The following IL6ST variants were observed in gnomAD, a reference collection of about 807,000 sequenced individuals.
IL6ST encodes interleukin 6 cytokine family signal transducer, also known as interleukin-6 receptor subunit beta.
IL6ST carries 24 observed loss-of-function variants against 91.3 expected under a neutral mutation model. The observed-to-expected ratio is 0.26, with a 90% CI of 0.19 to 0.37. IL6ST has a LOEUF of 0.37. Among genes scored for constraint, IL6ST ranks in the 10% least tolerant of loss-of-function variants. IL6ST has a pLI of 1.00. For synonymous variants in IL6ST, 351 were observed against 373.6 expected (o/e 0.94, Z 0.70); for missense variants, 914 against 1,078.5 (o/e 0.85, Z 2.14).
chr5:55,943,484 T>C (rs977456120), intron 15 of IL6ST, among the ~76,000 whole-genome samples: 4 of 152,180 alleles, frequency 2.6e-5, no homozygotes, highest in African/African-American at 9.7e-5. Context: ...TTATCCTGAT[T>C]TTAAAACCAG....
intron 1 of IL6ST, among the ~76,000 whole-genome samples, chr5:55,983,076 T>G (rs1332994458): frequency 3.3e-5 from 5 of 151,442 alleles, no homozygotes; most frequent in Admixed American, 6.6e-5. Context: ...TACAGCTCAC[T>G]GCAGCTTGAA....
Position 55,940,122 on chromosome 5 carries a change from G to GATATGTGTGGGT in IL6ST, c.*959_*960insACCCACACATAT, listed in dbSNP as rs1554022455. Reference sequence around the variant, plus strand: ...CTCTGAAGTCTTAAGAAAAGTCAATGATATGTGTGTGTATATATATATATA... The same window carrying GATATGTGTGGGT: ...CTCTGAAGTCTTAAGAAAAGTCAATGATATGTGTGGGTATATGTGTGTGTATATATATATATA... On this transcript the variant is annotated 3_prime_UTR_variant, in exon 17 of 17. Coordinates refer to ENST00000381298, the MANE Select transcript of IL6ST (RefSeq NM_002184.4). 29 of 176,684 alleles carry GATATGTGTGGGT rather than the reference G, an allele frequency of 1.6e-4. 1 individual carries two copies. Among genetic ancestry groups the GATATGTGTGGGT allele is most frequent in the East Asian group, 1.1e-3 (12 of 11,230 alleles). The allele number at this position is 176,684 out of a possible 1,614,324, so 10.9% of individuals were successfully genotyped here. A position where few individuals can be genotyped will look rare whatever the true frequency, so the allele number is the denominator to read the frequency against.
In IL6ST at chr5:55,952,317, T is replaced by C. The variant is rs777084900; in HGVS notation, c.1485A>G (p.Thr495=). Residue 495 remains threonine, a synonymous_variant, in exon 12 of 17, where the codon ACA becomes ACG. Transcript: ENST00000381298. ...GTCCATCAGCATATACTGGAGTAACTGTTATCAAATAGCATTTGCTCTCTG... is the reference window on the plus strand; with the variant it reads ...GTCCATCAGCATATACTGGAGTAACCGTTATCAAATAGCATTTGCTCTCTG... ...NLAESKCYLI[T]VTPVYADGPG... The C allele has an allele frequency of 2.9e-5, 46 of 1,603,820 alleles. No individual in the cohort carries two copies. Among genetic ancestry groups the C allele is most frequent in the Non-Finnish European group, 3.8e-5 (45 of 1,172,486 alleles).
At position 55,951,621 on chromosome 5, in the gene IL6ST, C is replaced by T; in HGVS notation, c.1700-17G>A. The T allele has an allele frequency of 6.2e-6, 10 of 1,605,722 alleles. No individual in the cohort carries two copies. Among genetic ancestry groups the T allele is most frequent in the Non-Finnish European group, 8.5e-6 (10 of 1,177,104 alleles). On this transcript the variant is annotated splice_polypyrimidine_tract_variant and intron_variant, in intron 13 of 16. Coordinates refer to ENST00000381298, the MANE Select transcript of IL6ST (RefSeq NM_002184.4). ...CATTCACAGCTGGAAGAAATAAGAA[C>T]TGTGCTTCATTCAACTATTCAATGC...
rs10062639 is a variant in IL6ST, at chr5:55,968,563, A to G, written c.371-167T>C. ...TGATGACAATTTCTTTTCTATCCCAACTCTTACACTTCTTTTCAGGAAGTA... is the reference window on the plus strand; with the variant it reads ...TGATGACAATTTCTTTTCTATCCCAGCTCTTACACTTCTTTTCAGGAAGTA... On this transcript the variant is annotated intron_variant, in intron 4 of 16. Transcript: ENST00000381298. Among the ~76,000 whole-genome samples the G allele has an allele frequency of 2.4e-3, 371 of 152,184 alleles. 4 individuals carry two copies. Among genetic ancestry groups the G allele is most frequent in the African/African-American group, 8.6e-3 (358 of 41,500 alleles).
intron 5 of IL6ST, among the ~76,000 whole-genome samples, chr5:55,967,825 CT>C (rs1467180074): frequency 6.6e-6 from 1 of 151,996 alleles, no homozygotes; most frequent in Non-Finnish European, 1.5e-5. Context: ...GAGATGGAGT[CT>C]CACTCTGTTA....
At chr5:55,956,531 G>C (rs536624138) in intron 9 of IL6ST, among the ~76,000 whole-genome samples, 5 of 152,160 alleles carry the variant, frequency 3.3e-5, no homozygotes, top group Non-Finnish European at 7.4e-5. Context: ...TTATGCTTGA[G>C]TATTTTTCTA....
chr5:55,955,607 G>GT (rs1751905186), intron 10 of IL6ST, among the ~76,000 whole-genome samples: 1 of 152,176 alleles, frequency 6.6e-6, no homozygotes, highest in Admixed American at 6.5e-5. Context: ...TAAAAACCAG[G>GT]TAAGTAATCA....
At chr5:55,963,893 C>A (rs1752482481) in intron 6 of IL6ST, among the ~76,000 whole-genome samples, 1 of 152,040 alleles carries the variant, frequency 6.6e-6, no homozygotes, top group Non-Finnish European at 1.5e-5. Flanking sequence ...GGATATTTTT[C>A]TTTTTCCAAA....
chr5:55,991,904 C>T (rs1192263158), intron 1 of IL6ST, among the ~76,000 whole-genome samples: 1 of 152,122 alleles, frequency 6.6e-6, no homozygotes, highest in Non-Finnish European at 1.5e-5. Context: ...AATACTTAAG[C>T]TCCTCATTTT....
Position 55,968,357 on chromosome 5 carries a change from T to A in IL6ST, c.410A>T (p.Asn137Ile). 6.2e-7 allele frequency: 1 copy of A among 1,611,260 alleles called. No homozygotes were observed. Among genetic ancestry groups the A allele is most frequent in the Non-Finnish European group, 8.5e-7 (1 of 1,179,058 alleles). Reference protein sequence around the residue: ...EKPKNLSCIVNEGKKMRCEWD... With the variant: ...EKPKNLSCIVIEGKKMRCEWD... The stretch of plus-strand genomic sequence containing the variant: ...CTCACACCTCATTTTCTTCCCCTCG[T>A]TCACAATGCAACTCAAATTTTTAGG... Residue 137 changes from asparagine (N) to isoleucine (I), a missense_variant, in exon 5 of 17, where the codon AAC (asparagine) becomes ATC (isoleucine). Asn to Ile is a moderately radical substitution (Grantham distance 149, BLOSUM62 -3). Transcript: ENST00000381298.
chr5:55,992,664 C>T (rs1418834145), intron 1 of IL6ST, among the ~76,000 whole-genome samples: 1 of 152,166 alleles, frequency 6.6e-6, no homozygotes, highest in Non-Finnish European at 1.5e-5. Flanking sequence ...ATTCTCCATT[C>T]TACATTTTGT....
rs1168740311 is a variant in IL6ST at position 55,940,961 on chromosome 5, C to G, written c.*121G>C. On this transcript the variant is annotated 3_prime_UTR_variant, in exon 17 of 17. Transcript: ENST00000381298. ...TGTGAAACTTCAGTTCATTTTTGTC[C>G]TTAAGGGCAAATGATCATCTTCAGA... 23 of 1,001,376 alleles carry G rather than the reference C, an allele frequency of 2.3e-5. No individual in the cohort carries two copies. The highest frequency in any genetic ancestry group is 3.1e-5 in the Non-Finnish European group (21 of 679,854). The allele number at this position is 1,001,376 out of a possible 1,614,324, so 62.0% of individuals were successfully genotyped here.
At position 55,969,538 on chromosome 5, in the gene IL6ST, A is replaced by G; in HGVS notation, c.370+12T>C. 3 of 1,590,402 alleles carry G rather than the reference A, an allele frequency of 1.9e-6. No homozygotes were observed. Among genetic ancestry groups the G allele is most frequent in the Non-Finnish European group, 2.6e-6 (3 of 1,163,436 alleles). On this transcript the variant is annotated intron_variant, in intron 4 of 16. Coordinates refer to ENST00000381298, the MANE Select transcript of IL6ST (RefSeq NM_002184.4). ...ATGACAAAGTCTGAAATAAGACAAAAACAAAACTTACAGCCTGAAATTATT... is the reference window on the plus strand; with the variant it reads ...ATGACAAAGTCTGAAATAAGACAAAGACAAAACTTACAGCCTGAAATTATT...
chr5:55,947,613 A>T (rs774643236), intron 14 of IL6ST, 24 bp from the exon 15 acceptor site: 2 of 1,347,826 alleles, frequency 1.5e-6, no homozygotes, highest in South Asian at 2.6e-5. Context: ...AAAAAAAAAA[A>T]AAAAGAGGTG....
At position 55,940,365 on chromosome 5, in the gene IL6ST, G is replaced by A. The variant is rs891920052; in HGVS notation, c.*717C>T. The A allele has an allele frequency of 2.9e-5, 6 of 208,858 alleles. No homozygotes were observed. The highest frequency in any genetic ancestry group is 5.8e-5 in the Non-Finnish European group (6 of 102,638). 12.9% of individuals were successfully genotyped at this position (208,858 alleles called of 1,614,324 possible). A position where few individuals can be genotyped will look rare whatever the true frequency, so the allele number is the denominator to read the frequency against. On this transcript the variant is annotated 3_prime_UTR_variant, in exon 17 of 17. Transcript: ENST00000381298. ...AGTTTGTGAAATGCATCTTCAAAGA[G>A]GTTGTCAATAATATGCAAATTTTTG...
chr5:55,974,956 T>TACACACACACACAC lies in IL6ST; in HGVS notation c.64+1245_64+1258dup, dbSNP rs3039924. Among the ~76,000 whole-genome samples the TACACACACACACAC allele has an allele frequency of 3.2e-4, 37 of 114,618 alleles. No homozygotes were observed. The East Asian group carries it at 7.8e-3, about 24-fold the overall frequency. 75.2% of individuals were successfully genotyped at this position (114,618 alleles called of 152,430 possible). Reference sequence around the variant, plus strand: ...ATTCATACACACACACACACACACATACACACACACACACACACACACACA... The same window carrying TACACACACACACAC: ...ATTCATACACACACACACACACACATACACACACACACACACACACACACACACACACACACACA... On this transcript the variant is annotated intron_variant, in intron 3 of 16. Transcript: ENST00000381298.
chr5:55,954,231 A>G (rs577684390), intron 11 of IL6ST, among the ~76,000 whole-genome samples: 15 of 152,352 alleles, frequency 9.8e-5, no homozygotes, highest in South Asian at 8.3e-4. Flanking sequence ...AATTCTAATT[A>G]TTAATTATCA....
In IL6ST at chr5:55,957,239, T is replaced by C; in HGVS notation, c.1026A>G (p.Gln342=). The part of the protein sequence containing the change: ...FWYKIDPSHT[Q]GYRTVQLVWK... The stretch of plus-strand genomic sequence containing the variant: ...ACACGAGTTGTACAGTTCTGTAGCC[T>C]TGAGTATGGGATGGATCTATTTTAT... The change falls in exon 9 of 17, where the codon CAA becomes CAG. Residue 342 remains glutamine (Q), a synonymous_variant. Coordinates refer to ENST00000381298, the MANE Select transcript of IL6ST (RefSeq NM_002184.4). 1 of 1,568,432 alleles carries C rather than the reference T, an allele frequency of 6.4e-7. No individual in the cohort carries two copies. The highest frequency in any genetic ancestry group is 1.8e-5 in the Admixed American group (1 of 54,464).
Sources: allele counts gnomAD v4.1 joint callset (sites outside exome capture counted in the v4.1 genomes callset), GRCh38; gene constraint gnomAD v4.1.1; transcripts MANE v1.5; gene names NCBI Gene and HGNC (gene_info 2026-07-23, HGNC 2026-07-21).